The following DPP6 variants were observed in gnomAD, a reference collection of about 807,000 sequenced individuals.
The protein encoded by DPP6 is A-type potassium channel modulatory protein DPP6.
DPP6 carries 69 observed loss-of-function variants against 122.6 expected under a neutral mutation model. The observed-to-expected ratio is 0.56, with a 90% CI of 0.46 to 0.69. The LOEUF (loss-of-function observed/expected upper bound fraction) is 0.69. DPP6 is among the 30% of genes least tolerant of loss of function. DPP6 has a pLI of 0.00. For missense variants in DPP6, 928 were observed against 1,116.9 expected, an observed-to-expected ratio of 0.83 and a Z score of 2.41; for synonymous variants, 418 against 433.1, an observed-to-expected ratio of 0.97 and a Z score of 0.43.
chr7:154,067,914 T>G (rs113735646), intron 1 of DPP6, among the ~76,000 whole-genome samples: 32,098 of 141,084 alleles, frequency 0.23, 4,249 homozygotes, highest in Admixed American at 0.28. Context: ...TTTGTTTTTT[T>G]TTTGTTTGTT....
intron 4 of DPP6, among the ~76,000 whole-genome samples, chr7:154,555,015 G>A (rs1433257144): frequency 6.6e-6 from 1 of 151,986 alleles, no homozygotes; most frequent in Admixed American, 6.6e-5. Flanking sequence ...TATGCTAAAG[G>A]TTGTTTACCA....
chr7:154,390,178 A>G (rs563147232), intron 1 of DPP6, among the ~76,000 whole-genome samples: 1 of 152,218 alleles, frequency 6.6e-6, no homozygotes, highest in Non-Finnish European at 1.5e-5. Flanking sequence ...GGGGGAAGGT[A>G]ATAATCAACA....
the DPP6 span, among the ~76,000 whole-genome samples, chr7:153,814,925 C>T: frequency 2.6e-5 from 4 of 152,080 alleles, no homozygotes; most frequent in African/African-American, 4.8e-5. Context: ...ATGCTAAAAA[C>T]TCTCAATAAA....
rs371534123 is a variant in DPP6, at chr7:154,781,027, T to C, written c.1136+8085T>C. Among the ~76,000 whole-genome samples, 164 of 151,894 alleles carry C rather than the reference T, an allele frequency of 1.1e-3. No homozygotes were observed. The South Asian group carries it at 0.029, about 27-fold the overall frequency. On this transcript the variant is annotated intron_variant, in intron 10 of 25. Transcript: ENST00000377770. ...GATGGATGATGGGTGGATGGACGGA[T>C]AGATGGATGATGAATATATGGATGG...
intron 4 of DPP6, among the ~76,000 whole-genome samples, chr7:154,566,021 C>T (rs902022611): frequency 6.6e-6 from 1 of 152,050 alleles, no homozygotes; most frequent in South Asian, 2.1e-4. Flanking sequence ...TCATTTATGT[C>T]GGATGATGTT....
intron 1 of DPP6, among the ~76,000 whole-genome samples, chr7:154,309,004 A>G (rs926228140): frequency 7.9e-5 from 12 of 152,302 alleles, no homozygotes; most frequent in Admixed American, 6.5e-4. Flanking sequence ...ACACAGGCAC[A>G]CCTCGTGTGT....
At chr7:154,708,201 CAT>C (rs1232877489) in intron 7 of DPP6, among the ~76,000 whole-genome samples, 1 of 152,210 alleles carries the variant, frequency 6.6e-6, no homozygotes, top group Admixed American at 6.5e-5. Context: ...TGTATACATA[CAT>C]ATGTTATTAA....
rs529687779 is a variant in DPP6 at position 153,915,540 on chromosome 7, G to A, written c.51+27806G>A. On this transcript the variant is annotated intron_variant, in intron 1 of 25. Transcript: ENST00000404039. ...TCTTTCTAACACCGAAGTGAAATTG[G>A]TAGAAACAGAGAGAATCAGGATCAG... 2.0e-5 allele frequency among the ~76,000 whole-genome samples: 3 copies of A among 152,322 alleles called. No homozygotes were observed. The South Asian group carries it at 6.2e-4, about 32-fold the overall frequency.
At chr7:154,382,071 T>C (rs1394105905) in intron 1 of DPP6, among the ~76,000 whole-genome samples, 15 of 90,096 alleles carry the variant, frequency 1.7e-4, no homozygotes, top group South Asian at 4.9e-4. Flanking sequence ...CCTTTTTTTT[T>C]CCTTTTTTTT....
intron 1 of DPP6, among the ~76,000 whole-genome samples, chr7:153,976,626 G>A (rs1400557088): frequency 6.6e-6 from 1 of 152,256 alleles, no homozygotes; most frequent in Non-Finnish European, 1.5e-5. Context: ...AAGATCTGAT[G>A]TTGAATCAGG....
chr7:153,899,516 G>A (rs754850019), intron 1 of DPP6, among the ~76,000 whole-genome samples: 2 of 152,130 alleles, frequency 1.3e-5, no homozygotes, highest in Non-Finnish European at 2.9e-5. Context: ...CAACTTGGCC[G>A]GAATGGTGGT....
chr7:153,904,828 A>T (rs960765739), intron 1 of DPP6, among the ~76,000 whole-genome samples: 1 of 152,252 alleles, frequency 6.6e-6, no homozygotes, highest in Admixed American at 6.5e-5. Context: ...CTGAAGGTTC[A>T]CTGAAAATCA....
At chr7:154,227,215 G>GACACACACACACACACACAGACAC (rs1554495537) in intron 1 of DPP6, among the ~76,000 whole-genome samples, 3 of 141,356 alleles carry the variant, frequency 2.1e-5, no homozygotes, top group African/African-American at 5.4e-5. Flanking sequence ...GAAAATGAGG[G>GACACACACACACACACACAGACAC]ACACACACAC....
intron 5 of DPP6, among the ~76,000 whole-genome samples, chr7:154,568,356 T>G (rs1051276525): frequency 1.3e-5 from 2 of 152,234 alleles, no homozygotes; most frequent in African/African-American, 4.8e-5. Flanking sequence ...GAGAAAAGCC[T>G]AGAAAGACAA....
At chr7:154,824,608 G>A (rs1445231184) in intron 16 of DPP6, among the ~76,000 whole-genome samples, 1 of 152,184 alleles carries the variant, frequency 6.6e-6, no homozygotes, top group Non-Finnish European at 1.5e-5. Flanking sequence ...TTAGTAAAAT[G>A]AATTAGAAGA....
At chr7:154,772,189 G>T (rs889108984) in intron 9 of DPP6, among the ~76,000 whole-genome samples, 2 of 152,170 alleles carry the variant, frequency 1.3e-5, no homozygotes, top group Non-Finnish European at 2.9e-5. Context: ...GATGCTCCTT[G>T]CCCCATTCCC....
Position 154,783,808 on chromosome 7 carries a change from C to T in DPP6, c.1137-10271C>T, listed in dbSNP as rs1429472447. 2.6e-5 allele frequency among the ~76,000 whole-genome samples: 4 copies of T among 152,110 alleles called. No homozygotes were observed. The East Asian group carries it at 7.8e-4, about 29-fold the overall frequency. On this transcript the variant is annotated intron_variant, in intron 10 of 25. Transcript: ENST00000377770. Reference sequence around the variant, plus strand: ...CTCTTTGTCTCAAGGAGCTCCCCGCCTGGCCAACCCAGGACTGTGAGGAAG... The same window carrying T: ...CTCTTTGTCTCAAGGAGCTCCCCGCTTGGCCAACCCAGGACTGTGAGGAAG...
intron 6 of DPP6, among the ~76,000 whole-genome samples, chr7:154,665,767 A>C: frequency 6.6e-6 from 1 of 152,166 alleles, no homozygotes. Context: ...ATCTGTGTAC[A>C]TAGAGATTAA....
chr7:154,181,749 C>CTTTTTTTTTTTTTTT (rs57576340), intron 1 of DPP6, among the ~76,000 whole-genome samples: 1 of 134,912 alleles, frequency 7.4e-6, no homozygotes. Context: ...GCATCTCCCT[C>CTTTTTTTTTTTTTTT]TTTTTTTTTT....
Sources: gnomAD v4.1 joint callset for allele counts (sites outside exome capture counted in the v4.1 genomes callset) on GRCh38, gnomAD v4.1.1 for gene constraint, MANE v1.5 for transcripts, NCBI Gene and HGNC (gene_info 2026-07-23, HGNC 2026-07-21) for gene names.